FRMD6: variants seen among roughly 807,000 people sequenced by gnomAD.
FRMD6 encodes FERM domain containing 6.
FRMD6 carries 37 observed loss-of-function variants against 73.2 expected under a neutral mutation model. The ratio of observed to expected loss-of-function variants is 0.51; its 90% CI spans 0.39 to 0.66. FRMD6 has a LOEUF of 0.66. FRMD6 is among the 30% of genes least tolerant of loss of function. FRMD6 has a pLI of 0.00. For missense variants in FRMD6, 714 were observed against 780.5 expected (o/e 0.91, Z 1.02); for synonymous variants, 273 against 282.2 (o/e 0.97, Z 0.33).
At chr14:51,584,948 T>G (rs1033686024) in intron 2 of FRMD6, among the ~76,000 whole-genome samples, 2 of 152,226 alleles carry the variant, frequency 1.3e-5, no homozygotes, top group Admixed American at 6.5e-5. Flanking sequence ...TTGTGATCAG[T>G]GCTTATCTTC....
At chr14:51,577,561 C>T (rs1386766063) in intron 2 of FRMD6, among the ~76,000 whole-genome samples, 1 of 152,110 alleles carries the variant, frequency 6.6e-6, no homozygotes, top group African/African-American at 2.4e-5. Context: ...AAATAAACAA[C>T]GTCAATTTGA....
At chr14:51,646,420 T>G (rs1892076181) in intron 2 of FRMD6, among the ~76,000 whole-genome samples, 1 of 151,338 alleles carries the variant, frequency 6.6e-6, no homozygotes, top group African/African-American at 2.4e-5. Context: ...TCTGAGAATA[T>G]TATCTCAGAT....
At chr14:51,555,644 AAC>A (rs921973815) in intron 1 of FRMD6, among the ~76,000 whole-genome samples, 6 of 152,012 alleles carry the variant, frequency 3.9e-5, no homozygotes, top group African/African-American at 1.2e-4. Context: ...CTCTACTAAA[AAC>A]ACAAAATTAG....
chr14:51,502,070 T>C (rs926533617), intron 1 of FRMD6, among the ~76,000 whole-genome samples: 2 of 152,170 alleles, frequency 1.3e-5, no homozygotes, highest in African/African-American at 4.8e-5. Context: ...TTTAATAGGG[T>C]TGTTTTTTTC....
At chr14:51,485,628 C>A (rs1029207337), upstream of FRMD6, among the ~76,000 whole-genome samples, 1 of 136,106 alleles carries the variant, frequency 7.3e-6, no homozygotes, top group Non-Finnish European at 1.6e-5. Flanking sequence ...TTTCTAATTT[C>A]TGCATTTGAA....
intron 2 of FRMD6, among the ~76,000 whole-genome samples, chr14:51,602,020 C>T (rs1890057693): frequency 6.6e-6 from 1 of 151,558 alleles, no homozygotes; most frequent in African/African-American, 2.4e-5. Flanking sequence ...GCTGGGTATC[C>T]AGCCACTCAA....
At chr14:51,417,021 A>G in the FRMD6 span, among the ~76,000 whole-genome samples, 13 of 151,826 alleles carry the variant, frequency 8.6e-5, no homozygotes, top group African/African-American at 2.7e-4. Flanking sequence ...ATCTTCCTCC[A>G]TCCCTTTATT....
chr14:51,598,841 T>C (rs752856640), intron 2 of FRMD6, among the ~76,000 whole-genome samples: 8 of 152,224 alleles, frequency 5.3e-5, no homozygotes, highest in Non-Finnish European at 1.0e-4. Context: ...TTGTGAATAG[T>C]GCTGCACTGA....
chr14:51,576,186 AC>A (rs1888393997), intron 2 of FRMD6: 1 of 152,316 alleles, frequency 6.6e-6, no homozygotes, highest in South Asian at 2.1e-4. Flanking sequence ...ACGAGGAATC[AC>A]AAAGCAAACT....
At chr14:51,510,755 A>G (rs1884250601) in intron 1 of FRMD6, among the ~76,000 whole-genome samples, 1 of 152,200 alleles carries the variant, frequency 6.6e-6, no homozygotes, top group Admixed American at 6.5e-5. Flanking sequence ...TCCCTGGGGA[A>G]TTATACCTCC....
chr14:51,727,075 C>G (rs971522285), intron 13 of FRMD6, among the ~76,000 whole-genome samples: 1 of 151,986 alleles, frequency 6.6e-6, no homozygotes, highest in African/African-American at 2.4e-5. Flanking sequence ...CGGAACCCCC[C>G]CACCCCCGAC....
intron 2 of FRMD6, among the ~76,000 whole-genome samples, chr14:51,636,823 CT>C: frequency 6.6e-6 from 1 of 152,132 alleles, no homozygotes; most frequent in Non-Finnish European, 1.5e-5. Flanking sequence ...CAGGGAGCCC[CT>C]TTCCCAAGAG....
intron 2 of FRMD6, among the ~76,000 whole-genome samples, chr14:51,639,446 AT>A (rs1391056106): frequency 2.7e-5 from 4 of 149,038 alleles, no homozygotes; most frequent in East Asian, 4.0e-4. Flanking sequence ...AAAAAAAAAA[AT>A]AATTATTATT....
chr14:51,435,758 T>C, the FRMD6 span, among the ~76,000 whole-genome samples: 1 of 152,192 alleles, frequency 6.6e-6, no homozygotes, highest in Non-Finnish European at 1.5e-5. Context: ...ATAGTTATTA[T>C]TTATTTAATA....
At chr14:51,715,550 GC>G in intron 10 of FRMD6, 51 bp downstream of exon 10, 1 of 1,473,676 alleles carries the variant, frequency 6.8e-7, no homozygotes, top group Non-Finnish European at 9.1e-7. Flanking sequence ...GCCACCTGTG[GC>G]CTCTTACTCT....
chr14:51,544,698 A>G (rs1291497417), intron 1 of FRMD6, among the ~76,000 whole-genome samples: 6 of 151,334 alleles, frequency 4.0e-5, no homozygotes, highest in Admixed American at 1.3e-4. Flanking sequence ...AATCAATTTT[A>G]CTTTGTTGCG....
At chr14:51,709,514 A>G (rs183777696) in intron 7 of FRMD6, among the ~76,000 whole-genome samples, 6 of 152,284 alleles carry the variant, frequency 3.9e-5, no homozygotes, top group African/African-American at 1.4e-4. Flanking sequence ...TTGCTCAGTA[A>G]TCTTGTTAGC....
chr14:51,722,513 TG>T (rs987406560), intron 12 of FRMD6, among the ~76,000 whole-genome samples: 10 of 152,194 alleles, frequency 6.6e-5, no homozygotes, highest in Admixed American at 5.9e-4. Flanking sequence ...TTTTGTTTTT[TG>T]TTTTTCCCAC....
chr14:51,588,683 C>T (rs1354699754), intron 2 of FRMD6, among the ~76,000 whole-genome samples: 1 of 152,162 alleles, frequency 6.6e-6, no homozygotes, highest in African/African-American at 2.4e-5. Context: ...CCCAACCTCA[C>T]ACTCTGATAT....
Sources: allele counts gnomAD v4.1 joint callset (sites outside exome capture counted in the v4.1 genomes callset), GRCh38; gene constraint gnomAD v4.1.1; transcripts MANE v1.5; gene names NCBI Gene and HGNC (gene_info 2026-07-23, HGNC 2026-07-21).